The following NBPF26 variants were observed in gnomAD, a reference collection of about 807,000 sequenced individuals.
The protein encoded by NBPF26 is NBPF family member NBPF26.
A neutral mutation model predicts 119.6 loss-of-function variants in NBPF26; 79 were observed. That is an observed-to-expected ratio of 0.66 (90% confidence interval 0.55 to 0.80). The LOEUF (loss-of-function observed/expected upper bound fraction) is 0.80, where lower values mean the gene tolerates loss of function less well. Among genes scored for constraint, NBPF26 ranks in the 30% least tolerant of loss-of-function variants. NBPF26 has a pLI of 0.00. For synonymous variants in NBPF26, 299 were observed against 457.7 expected (o/e 0.65, Z 4.43); for missense variants, 800 against 1,198.2 (o/e 0.67, Z 4.91).
intron 2 of NBPF26, among the ~76,000 whole-genome samples, chr1:120,783,795 A>C (rs1188529580): frequency 8.7e-6 from 1 of 114,344 alleles, no homozygotes; most frequent in Non-Finnish European, 1.7e-5. Context: ...CCAGACTAAG[A>C]CTTCACTGGG....
rs1205605772 is a variant in NBPF26, at chr1:120,807,517, T to A, written c.962-90T>A. ...CCTGGTACTGGGGAGAGTTTTGTCC[T>A]TGGGATGGACCTGGCTCCTGCCCTG... On this transcript the variant is annotated intron_variant, in intron 5 of 29. Coordinates refer to ENST00000620612, the Ensembl canonical transcript of NBPF26. 1.1e-5 allele frequency: 6 copies of A among 523,682 alleles called. 1 individual carries two copies. Among genetic ancestry groups the A allele is most frequent in the Non-Finnish European group, 1.9e-5 (6 of 310,378 alleles). 32.4% of individuals were successfully genotyped at this position (523,682 alleles called of 1,614,324 possible).
Position 120,828,695 on chromosome 1 carries a change from TG to T in NBPF26, c.2813-1064del, listed in dbSNP as rs1476763839. ...TGCAGTTTTTCTCCTAGCAACCATT[TG>T]GGGGCAATTGCTTTAAATCGATTGG... On this transcript the variant is annotated intron_variant, in intron 18 of 29. Transcript: ENST00000620612. 3.8e-5 allele frequency among the ~76,000 whole-genome samples: 4 copies of T among 106,316 alleles called. 1 individual carries two copies. Among genetic ancestry groups the T allele is most frequent in the African/African-American group, 2.4e-4 (4 of 16,594 alleles). 69.7% of individuals were successfully genotyped at this position (106,316 alleles called of 152,430 possible). A position where few individuals can be genotyped will look rare whatever the true frequency, so the allele number is the denominator to read the frequency against.
At chr1:120,733,203 G>T (rs1650882858) in intron 1 of NBPF26, among the ~76,000 whole-genome samples, 1 of 100,782 alleles carries the variant, frequency 9.9e-6, no homozygotes, top group African/African-American at 6.4e-5. Flanking sequence ...GTCAACACTA[G>T]GTTTTATTTT....
At position 120,781,771 on chromosome 1, in the gene NBPF26, G is replaced by T. The variant is rs1323679665; in HGVS notation, c.156-3203G>T. ...GTAGAGACAGGACTGTGTTAGCCAG[G>T]ATGGTCTCGATCTCCTGACCTGGTG... On this transcript the variant is annotated intron_variant, in intron 2 of 29. Coordinates refer to ENST00000620612, the Ensembl canonical transcript of NBPF26. 1.0e-3 allele frequency among the ~76,000 whole-genome samples: 120 copies of T among 115,828 alleles called. 36 individuals are homozygous for T. The highest frequency in any genetic ancestry group is 5.2e-3 in the African/African-American group (110 of 21,170). The allele number at this position is 115,828 out of a possible 152,430, so 76.0% of individuals were successfully genotyped here. A position where few individuals can be genotyped will look rare whatever the true frequency, so the allele number is the denominator to read the frequency against.
At position 120,805,797 on chromosome 1, in the gene NBPF26, G is replaced by A. The variant is rs1489361941; in HGVS notation, c.961+32G>A. Reference sequence around the variant, plus strand: ...TCTATAGGCTCACCATCATGAAAGTGATGAATGATATCCTGTCTTCTCTCT... The same window carrying A: ...TCTATAGGCTCACCATCATGAAAGTAATGAATGATATCCTGTCTTCTCTCT... On this transcript the variant is annotated intron_variant, in intron 5 of 29. Transcript: ENST00000620612. 2.2e-5 allele frequency: 29 copies of A among 1,308,786 alleles called. 1 individual carries two copies. The East Asian group carries it at 5.9e-4, about 27-fold the overall frequency. 81.1% of individuals were successfully genotyped at this position (1,308,786 alleles called of 1,614,324 possible).
In NBPF26 at chr1:120,810,568, AT is replaced by A. The variant is rs1377999991; in HGVS notation, c.1564+14del. 8 of 1,453,162 alleles carry A rather than the reference AT, an allele frequency of 5.5e-6. No individual in the cohort carries two copies. The highest frequency in any genetic ancestry group is 7.5e-6 in the Non-Finnish European group (8 of 1,070,754). The allele number at this position is 1,453,162 out of a possible 1,614,324, so 90.0% of individuals were successfully genotyped here. Reference sequence around the variant, plus strand: ...CTAAACATTCTCCCAGGTAGCCTCTATTTTCCTTGTGTCTCATACCTCTGTC... The same window carrying A: ...CTAAACATTCTCCCAGGTAGCCTCTATTTCCTTGTGTCTCATACCTCTGTC... On this transcript the variant is annotated intron_variant, in intron 9 of 29. Coordinates refer to ENST00000620612, the Ensembl canonical transcript of NBPF26.
In NBPF26 at chr1:120,759,455, C is replaced by A. The variant is rs1307471515; in HGVS notation, c.74-4173C>A. On this transcript the variant is annotated intron_variant, in intron 1 of 29. Transcript: ENST00000620612. ...TAAAGCATCAGTTTAAACATCAATT[C>A]TCTATGGTATGATTAATGTTTCTTT... Among the ~76,000 whole-genome samples the A allele has an allele frequency of 1.2e-4, 7 of 59,118 alleles. 1 individual carries two copies. The Admixed American group carries it at 1.2e-3, about 10-fold the overall frequency. The allele number at this position is 59,118 out of a possible 152,430, so 38.8% of individuals were successfully genotyped here.
intron 1 of NBPF26, among the ~76,000 whole-genome samples, chr1:120,727,765 T>G (rs1650831338): frequency 8.6e-6 from 1 of 116,820 alleles, no homozygotes; most frequent in Non-Finnish European, 1.6e-5. Context: ...TTTGAACTAT[T>G]AATTTTCCTT....
intron 22 of NBPF26, among the ~76,000 whole-genome samples, chr1:120,832,672 G>C (rs1254413423): frequency 1.7e-5 from 2 of 121,114 alleles, no homozygotes; most frequent in African/African-American, 9.3e-5. Flanking sequence ...ACTAGAATAG[G>C]GACACTTTAC....
chr1:120,815,589 G>A lies in NBPF26; in HGVS notation c.2093-496G>A. ...CTTTATGTGGGGGCGTTTTGTGGTA[G>A]GAAGTGCTTCAGACTGGAGCACTCC... is the stretch of plus-strand genomic sequence containing the variant. On this transcript the variant is annotated intron_variant, in intron 12 of 29. Coordinates refer to ENST00000620612, the Ensembl canonical transcript of NBPF26. 2.1e-5 allele frequency among the ~76,000 whole-genome samples: 2 copies of A among 95,390 alleles called. 1 individual carries two copies. The allele number at this position is 95,390 out of a possible 152,430, so 62.6% of individuals were successfully genotyped here. A position where few individuals can be genotyped will look rare whatever the true frequency, so the allele number is the denominator to read the frequency against.
In NBPF26 at chr1:120,817,279, G is replaced by A. The variant is rs1331923584; in HGVS notation, c.2371+452G>A. ...CTCCTTTAAGTCAGCTTGCTTAGCTGCACAGTCACCCTGAAATCAGGACAG... is the reference window on the plus strand; with the variant it reads ...CTCCTTTAAGTCAGCTTGCTTAGCTACACAGTCACCCTGAAATCAGGACAG... On this transcript the variant is annotated intron_variant, in intron 14 of 29. Coordinates refer to ENST00000620612, the Ensembl canonical transcript of NBPF26. Among the ~76,000 whole-genome samples, 1,095 of 112,776 alleles carry A rather than the reference G, an allele frequency of 9.7e-3. 214 individuals carry two copies. The highest frequency in any genetic ancestry group is 0.032 in the Middle Eastern group (8 of 250). 74.0% of individuals were successfully genotyped at this position (112,776 alleles called of 152,430 possible).
Position 120,801,941 on chromosome 1 carries a change from T to C in NBPF26, c.752-3615T>C, listed in dbSNP as rs1413039541. Among the ~76,000 whole-genome samples the C allele has an allele frequency of 2.7e-5, 3 of 109,734 alleles. 1 individual carries two copies. The highest frequency in any genetic ancestry group is 1.6e-4 in the African/African-American group (3 of 18,266). The allele number at this position is 109,734 out of a possible 152,430, so 72.0% of individuals were successfully genotyped here. On this transcript the variant is annotated intron_variant, in intron 4 of 29. Coordinates refer to ENST00000620612, the Ensembl canonical transcript of NBPF26. ...TTAGATGAAAGAAGTTAAATTCCAG[T>C]TCTCCTTTTTTCAGAAATGAGGTAT...
At chr1:120,840,526 G>C in exon 30 of NBPF26, 1 of 1,472,632 alleles carries the variant, frequency 6.8e-7, no homozygotes, top group Non-Finnish European at 9.2e-7. Context: ...GTGGACAATA[G>C]GTTTTTTACT....
At chr1:120,814,596 A>G (rs1553271469) in intron 11 of NBPF26, among the ~76,000 whole-genome samples, 14 of 122,588 alleles carry the variant, frequency 1.1e-4, no homozygotes, top group East Asian at 4.0e-4. Flanking sequence ...TTTACAGAAG[A>G]GAAAGATGAA....
In NBPF26 at chr1:120,733,111, T is replaced by A. The variant is rs1193384553; in HGVS notation, c.73+8861T>A. Among the ~76,000 whole-genome samples, 5 of 87,986 alleles carry A rather than the reference T, an allele frequency of 5.7e-5. 1 individual carries two copies. Among genetic ancestry groups the A allele is most frequent in the Admixed American group, 3.5e-4 (3 of 8,490 alleles). 57.7% of individuals were successfully genotyped at this position (87,986 alleles called of 152,430 possible). A position where few individuals can be genotyped will look rare whatever the true frequency, so the allele number is the denominator to read the frequency against. The stretch of plus-strand genomic sequence containing the variant: ...AGATTTAGAAAAGCTGTTGATTTAT[T>A]TTTATATATATATATATATATGTTT... On this transcript the variant is annotated intron_variant, in intron 1 of 29. Coordinates refer to ENST00000620612, the Ensembl canonical transcript of NBPF26.
At chr1:120,814,947 C>T in exon 12 of NBPF26, 1 of 1,072,824 alleles carries the variant, frequency 9.3e-7, no homozygotes, top group Non-Finnish European at 1.4e-6. Context: ...CCTCCTCACT[C>T]CGGATGAGCC....
At chr1:120,789,851 G>C (rs1651464143) in intron 3 of NBPF26, among the ~76,000 whole-genome samples, 1 of 44,202 alleles carries the variant, frequency 2.3e-5, no homozygotes, top group South Asian at 4.6e-4. Context: ...AAGTAGGGGG[G>C]CATATACCCA....
chr1:120,823,692 TAC>T (rs1652180923), intron 17 of NBPF26, among the ~76,000 whole-genome samples: 1 of 120,162 alleles, frequency 8.3e-6, no homozygotes, highest in Non-Finnish European at 1.7e-5. Context: ...AGAGCACAAA[TAC>T]AGAGTGTCCT....
At chr1:120,820,488 A>G (rs1178431977) in intron 15 of NBPF26, among the ~76,000 whole-genome samples, 1 of 30,750 alleles carries the variant, frequency 3.3e-5, no homozygotes, top group Non-Finnish European at 7.4e-5. Context: ...ATATATATAT[A>G]TACATACACA....
Sources: allele counts gnomAD v4.1 joint callset (sites outside exome capture counted in the v4.1 genomes callset), GRCh38; gene constraint gnomAD v4.1.1; transcripts MANE v1.5; gene names NCBI Gene and HGNC (gene_info 2026-07-23, HGNC 2026-07-21).